Variants in CACNA2D4 observed in about 807,000 individuals in gnomAD.
CACNA2D4 encodes the protein calcium voltage-gated channel auxiliary subunit alpha2delta 4, also known as voltage-dependent calcium channel subunit alpha-2/delta-4.
In CACNA2D4, 157 loss-of-function variants were observed where a neutral mutation model predicts 163.8. That is an observed-to-expected ratio of 0.96 (90% CI 0.84 to 1.09). CACNA2D4 has a LOEUF of 1.09. Ranked by LOEUF, CACNA2D4 falls within the 50% of genes least tolerant of loss-of-function variation. The pLI is 0.00. For synonymous variants in CACNA2D4, 598 were observed against 586.9 expected (o/e 1.02, Z -0.27); for missense variants, 1,410 against 1,479.9 (o/e 0.95, Z 0.78).
rs1054433827 is a variant in CACNA2D4, at chr12:1,829,119, T to A, written c.2551+11620A>T. ...CTCAACACCTCGCAATACGGGCTTA[T>A]GTTTTCTTGTCACTGGAGCTTTTAT... On this transcript the variant is annotated intron_variant, in intron 26 of 37. Transcript: ENST00000382722. The surrounding 1 kb of genome is among the most constrained non-coding windows in gnomAD (Gnocchi z 4.2). Among the ~76,000 whole-genome samples, 2 of 152,220 alleles carry A rather than the reference T, an allele frequency of 1.3e-5. No homozygotes were observed. The highest frequency in any genetic ancestry group is 2.9e-5 in the Non-Finnish European group (2 of 68,044).
Position 1,902,687 on chromosome 12 carries a change from T to C in CACNA2D4, c.781+4753A>G, listed in dbSNP as rs1398281485. Among the ~76,000 whole-genome samples, 7 of 152,018 alleles carry C rather than the reference T, an allele frequency of 4.6e-5. No individual in the cohort carries two copies. In the East Asian group the frequency reaches 1.2e-3, roughly 25 times the overall value. Reference sequence around the variant, plus strand: ...AGTGAAAGTTCTCTACAAGGAAAATTATAAAATATTGATGTGAGAAATTGA... The same window carrying C: ...AGTGAAAGTTCTCTACAAGGAAAATCATAAAATATTGATGTGAGAAATTGA... On this transcript the variant is annotated intron_variant, in intron 6 of 37. Coordinates refer to ENST00000382722, the MANE Select transcript of CACNA2D4 (RefSeq NM_172364.5).
chr12:1,882,204 C>T (rs1866020687), intron 13 of CACNA2D4, among the ~76,000 whole-genome samples: 1 of 152,180 alleles, frequency 6.6e-6, no homozygotes, highest in Admixed American at 6.5e-5. Flanking sequence ...ATGACCAGGC[C>T]AGAGAGCTCG....
rs1014018634 is a variant in CACNA2D4, at chr12:1,843,586, G to C, written c.2470+816C>G. On this transcript the variant is annotated intron_variant, in intron 25 of 37. Coordinates refer to ENST00000382722, the MANE Select transcript of CACNA2D4 (RefSeq NM_172364.5). The surrounding 1 kb of genome is among the most constrained non-coding windows in gnomAD (Gnocchi z 4.6). The stretch of plus-strand genomic sequence containing the variant: ...GAGGGGTGGCTGTGCCATGCACTCT[G>C]GGATCCCTGGACAAGCCCCGGAAGC... Among the ~76,000 whole-genome samples the C allele has an allele frequency of 2.0e-5, 3 of 152,210 alleles. No individual in the cohort carries two copies. Among genetic ancestry groups the C allele is most frequent in the Non-Finnish European group, 4.4e-5 (3 of 68,036 alleles).
At chr12:1,801,458 G>T in intron 30 of CACNA2D4, 116 bp downstream of exon 30, 1 of 885,610 alleles carries the variant, frequency 1.1e-6, no homozygotes, top group Non-Finnish European at 1.8e-6. Flanking sequence ...GCAGCTCTTT[G>T]GGGGCACCCA....
intron 6 of CACNA2D4, among the ~76,000 whole-genome samples, chr12:1,906,637 G>A (rs1253495962): frequency 6.6e-6 from 1 of 152,198 alleles, no homozygotes; most frequent in Admixed American, 6.5e-5. Context: ...AGAGGGGCAC[G>A]TGAACTGCTG....
intron 29 of CACNA2D4, among the ~76,000 whole-genome samples, chr12:1,804,166 C>T (rs77362280): frequency 0.098 from 13,252 of 135,266 alleles, 705 homozygotes; most frequent in Admixed American, 0.2. Flanking sequence ...TGTGTGTGTC[C>T]CCTCCGTCAC....
At chr12:1,884,626 T>G in intron 11 of CACNA2D4, 142 bp downstream of exon 11, 1 of 657,870 alleles carries the variant, frequency 1.5e-6, no homozygotes, top group Non-Finnish European at 2.7e-6. Flanking sequence ...GAACACTCAA[T>G]TAAAATGCAT....
intron 19 of CACNA2D4, 61 bp downstream of exon 19, chr12:1,860,084 A>G (rs1865489285): frequency 1.4e-6 from 2 of 1,383,684 alleles, no homozygotes; most frequent in African/African-American, 1.4e-5. Flanking sequence ...CCAACTAAAT[A>G]TGAGTTGCTG....
At chr12:1,885,676 C>T (rs1866120257) in intron 9 of CACNA2D4, among the ~76,000 whole-genome samples, 1 of 152,096 alleles carries the variant, frequency 6.6e-6, no homozygotes, top group Non-Finnish European at 1.5e-5. Flanking sequence ...AGGTGGGAGG[C>T]AAAAGGGGAA....
At chr12:1,872,772 C>T (rs765943170) in intron 18 of CACNA2D4, among the ~76,000 whole-genome samples, 1 of 152,008 alleles carries the variant, frequency 6.6e-6, no homozygotes, top group African/African-American at 2.4e-5. Context: ...CTGCCAGGCT[C>T]CTGGGGTCAG....
rs75179773 is a variant in CACNA2D4 at position 1,812,355 on chromosome 12, G to C, written c.2552-632C>G. Reference sequence around the variant, plus strand: ...GGCAAATAGTTCTCTTTTGATGACTGTGCTTACAAGGGCCACCCCTGACTT... The same window carrying C: ...GGCAAATAGTTCTCTTTTGATGACTCTGCTTACAAGGGCCACCCCTGACTT... On this transcript the variant is annotated intron_variant, in intron 26 of 37. Coordinates refer to ENST00000382722, the MANE Select transcript of CACNA2D4 (RefSeq NM_172364.5). 6.7e-3 allele frequency among the ~76,000 whole-genome samples: 1,017 copies of C among 152,350 alleles called. 11 individuals are homozygous for C. Among genetic ancestry groups the C allele is most frequent in the African/African-American group, 0.023 (959 of 41,580 alleles).
intron 26 of CACNA2D4, among the ~76,000 whole-genome samples, chr12:1,814,898 T>C (rs939108130): frequency 1.8e-4 from 27 of 152,186 alleles, no homozygotes; most frequent in Non-Finnish European, 2.8e-4. Flanking sequence ...TTTGTTTGTT[T>C]TGTGTTTTTG....
chr12:1,914,749 G>T, intron 2 of CACNA2D4, 105 bp downstream of exon 2: 1 of 747,842 alleles, frequency 1.3e-6, no homozygotes, highest in Non-Finnish European at 2.4e-6. Context: ...GAAATAAACC[G>T]ATTTGATGGG....
At position 1,884,253 on chromosome 12, in the gene CACNA2D4, G is replaced by T. The variant is rs1298237477; in HGVS notation, c.1341C>A (p.Cys447Ter). 1 of 1,612,008 alleles carries T rather than the reference G, an allele frequency of 6.2e-7. No homozygotes were observed. The highest frequency in any genetic ancestry group is 8.5e-7 in the Non-Finnish European group (1 of 1,179,292). ...SFADRMKWIA[C>*]NNKGYYTQIS... ...TGGCCCGGCACTCACCTTTGTTGTT[G>T]CATGCAATCCACTTCATGCGGTCAG... The change falls in exon 12 of 38, where the codon TGC becomes TGA. Residue 447 changes from cysteine (C) to a stop codon, truncating the protein, a stop_gained. Coordinates refer to ENST00000382722, the MANE Select transcript of CACNA2D4 (RefSeq NM_172364.5). LOFTEE classifies it high-confidence loss of function.
chr12:1,855,079 C>T (rs773970955), intron 22 of CACNA2D4, among the ~76,000 whole-genome samples: 3 of 152,074 alleles, frequency 2.0e-5, no homozygotes, highest in African/African-American at 4.8e-5. Context: ...TATTTCTCTC[C>T]CCTACAGCAT....
At position 1,886,362 on chromosome 12, in the gene CACNA2D4, G is replaced by A. The variant is rs1204708824; in HGVS notation, c.854C>T (p.Ala285Val). The A allele has an allele frequency of 6.2e-7, 1 of 1,613,740 alleles. No individual in the cohort carries two copies. The highest frequency in any genetic ancestry group is 8.5e-7 in the Non-Finnish European group (1 of 1,179,762). Residue 285 changes from alanine (A) to valine (V), a missense_variant, in exon 8 of 38, where the codon GCT (alanine) becomes GTT (valine). By Grantham distance (64) the Ala-to-Val change is moderately conservative (BLOSUM62 0). Transcript: ENST00000382722. Reference sequence around the variant, plus strand: ...CACTATGTCCTTGGGAGAAGTAGCAGCTTGAATGTACCTGAAGGAAGAAAG... The same window carrying A: ...CACTATGTCCTTGGGAGAAGTAGCAACTTGAATGTACCTGAAGGAAGAAAG... Reference protein sequence around the residue: ...DCRNRGWYIQAATSPKDIVIL... With the variant: ...DCRNRGWYIQVATSPKDIVIL...
chr12:1,822,768 C>G (rs1405567714), intron 26 of CACNA2D4, among the ~76,000 whole-genome samples: 1 of 152,190 alleles, frequency 6.6e-6, no homozygotes, highest in Non-Finnish European at 1.5e-5. Context: ...GGGTGATGGG[C>G]AGCTGTCCTA....
In CACNA2D4 at chr12:1,812,157, C is replaced by T. The variant is rs528921290; in HGVS notation, c.2552-434G>A. 2.6e-5 allele frequency among the ~76,000 whole-genome samples: 4 copies of T among 152,336 alleles called. No homozygotes were observed. The East Asian group carries it at 7.7e-4, about 29-fold the overall frequency. ...CACCCTGGAATTCAGGGCCGTTGCC[C>T]TAGCAACTCATGGGCTCCTTGGATC... On this transcript the variant is annotated intron_variant, in intron 26 of 37. Coordinates refer to ENST00000382722, the MANE Select transcript of CACNA2D4 (RefSeq NM_172364.5).
intron 26 of CACNA2D4, among the ~76,000 whole-genome samples, chr12:1,838,129 G>C (rs1478028879): frequency 6.6e-6 from 1 of 152,236 alleles, no homozygotes; most frequent in Non-Finnish European, 1.5e-5. Context: ...AACAGATCCT[G>C]ATCCAAAAGT....
Sources: allele counts gnomAD v4.1 joint callset (sites outside exome capture counted in the v4.1 genomes callset), GRCh38; gene constraint gnomAD v4.1.1; non-coding constraint Gnocchi (gnomAD v3.1); transcripts MANE v1.5; gene names NCBI Gene and HGNC (gene_info 2026-07-23, HGNC 2026-07-21).